The following ABLIM2 variants were observed in gnomAD, a reference collection of about 807,000 sequenced individuals.
The protein encoded by ABLIM2 is actin binding LIM protein family member 2.
A neutral mutation model predicts 97.7 loss-of-function variants in ABLIM2; 53 were observed. That is an observed-to-expected ratio of 0.54 (90% CI 0.44 to 0.68). The LOEUF (loss-of-function observed/expected upper bound fraction) is 0.68. Among genes scored for constraint, ABLIM2 ranks in the 30% least tolerant of loss-of-function variants. The pLI is 0.00. For missense variants in ABLIM2, 835 were observed against 867.2 expected, an observed-to-expected ratio of 0.96 and a Z score of 0.47; for synonymous variants, 361 against 345.8, an observed-to-expected ratio of 1.04 and a Z score of -0.49.
intron 14 of ABLIM2, 23 bp from the exon 15 acceptor site, chr4:8,009,125 T>G (rs147400964): frequency 6.2e-7 from 1 of 1,613,958 alleles, no homozygotes; most frequent in East Asian, 2.2e-5. Context: ...AATCCATTTG[T>G]AAAGGCCACA....
chr4:8,093,646 T>C (rs1485977936), intron 3 of ABLIM2, among the ~76,000 whole-genome samples: 8 of 152,228 alleles, frequency 5.3e-5, no homozygotes, highest in Admixed American at 5.2e-4. Context: ...TAGAATTATT[T>C]GATAGATATT....
chr4:8,113,016 G>T lies in ABLIM2; in HGVS notation c.11-6379C>A, dbSNP rs1841125082. ...CAGGCCAAAAGGGCATAGGCAGGGG[G>T]GCAAACTCCTCTTTCTGTCCAGCGA... On this transcript the variant is annotated intron_variant, in intron 1 of 20. Transcript: ENST00000447017. The surrounding 1 kb of genome is among the most constrained non-coding windows in gnomAD (Gnocchi z 4.5). Among the ~76,000 whole-genome samples the T allele has an allele frequency of 6.6e-6, 1 of 152,202 alleles. No homozygotes were observed. The highest frequency in any genetic ancestry group is 1.5e-5 in the Non-Finnish European group (1 of 68,048).
At chr4:8,096,236 A>C (rs1441437277) in intron 3 of ABLIM2, among the ~76,000 whole-genome samples, 11 of 152,196 alleles carry the variant, frequency 7.2e-5, no homozygotes, top group Non-Finnish European at 1.5e-5. Flanking sequence ...CATTTTGTCC[A>C]GTTTCCTAGT....
intron 20 of ABLIM2, among the ~76,000 whole-genome samples, chr4:7,978,909 G>C (rs1459355361): frequency 6.6e-6 from 1 of 152,222 alleles, no homozygotes; most frequent in African/African-American, 2.4e-5. Context: ...ACCCAAGAGA[G>C]GTCTTGAGGA....
At chr4:8,038,593 A>T (rs1786059122) in intron 9 of ABLIM2, among the ~76,000 whole-genome samples, 1 of 151,982 alleles carries the variant, frequency 6.6e-6, no homozygotes, top group Non-Finnish European at 1.5e-5. Flanking sequence ...CACCTCCTCC[A>T]CGAAGTCTTC....
At chr4:8,131,588 C>T (rs2152930946) in intron 1 of ABLIM2, among the ~76,000 whole-genome samples, 1 of 152,240 alleles carries the variant, frequency 6.6e-6, no homozygotes, top group African/African-American at 2.4e-5. Context: ...CTCACATGCT[C>T]TCAGCCACCC....
rs555901455 is a variant in ABLIM2, at chr4:7,966,919, T to G, written c.*71A>C. On this transcript the variant is annotated 3_prime_UTR_variant, in exon 21 of 21. Coordinates refer to ENST00000447017, the MANE Select transcript of ABLIM2 (RefSeq NM_001130083.2). ...GCCAGAGCAAGGTGTGTGGGAGGGG[T>G]GTGTGCGGTTCTCGCCAGGGGCCCC... is the stretch of plus-strand genomic sequence containing the variant. 64 of 515,152 alleles carry G rather than the reference T, an allele frequency of 1.2e-4. No individual in the cohort carries two copies. The highest frequency in any genetic ancestry group is 2.9e-4 in the African/African-American group (10 of 34,308). The allele number at this position is 515,152 out of a possible 1,614,324, so 31.9% of individuals were successfully genotyped here. A position where few individuals can be genotyped will look rare whatever the true frequency, so the allele number is the denominator to read the frequency against.
rs901766645 is a variant in ABLIM2, at chr4:8,021,585, T to C, written c.1268-1282A>G. On this transcript the variant is annotated intron_variant, in intron 12 of 20. Transcript: ENST00000447017. The surrounding 1 kb of genome is among the most constrained non-coding windows in gnomAD (Gnocchi z 5.5). ...CGAAATGAAACAGAAATAGAACTTC[T>C]GCGGTGGGTGAGTGATGTGCTGGGC... Among the ~76,000 whole-genome samples the C allele has an allele frequency of 1.3e-5, 2 of 152,170 alleles. No homozygotes were observed. The highest frequency in any genetic ancestry group is 4.8e-5 in the African/African-American group (2 of 41,440).
At chr4:8,035,472 C>T (rs1002810192) in intron 10 of ABLIM2, among the ~76,000 whole-genome samples, 6 of 152,208 alleles carry the variant, frequency 3.9e-5, no homozygotes, top group South Asian at 2.1e-4. Context: ...CCTGGCGGCA[C>T]GCATGTCAAG....
rs1846563545 is a variant in ABLIM2 at position 8,123,774 on chromosome 4, C to T, written c.11-17137G>A. On this transcript the variant is annotated intron_variant, in intron 1 of 20. Transcript: ENST00000447017. The surrounding 1 kb of genome is among the most constrained non-coding windows in gnomAD (Gnocchi z 6.2). Reference sequence around the variant, plus strand: ...GCAGGGGTGTGCCGGCATTGGGTCACACAGCCCAACTGGGGTGACAAGGTC... The same window carrying T: ...GCAGGGGTGTGCCGGCATTGGGTCATACAGCCCAACTGGGGTGACAAGGTC... Among the ~76,000 whole-genome samples the T allele has an allele frequency of 6.6e-6, 1 of 152,162 alleles. No homozygotes were observed. The highest frequency in any genetic ancestry group is 2.1e-4 in the South Asian group (1 of 4,828).
chr4:8,008,216 A>G lies in ABLIM2; in HGVS notation c.1477-16T>C. The G allele has an allele frequency of 6.2e-7, 1 of 1,609,588 alleles. No individual in the cohort carries two copies. Among genetic ancestry groups the G allele is most frequent in the South Asian group, 1.1e-5 (1 of 90,878 alleles). ...TGCTCTTCTGCTGAAGGTAAAAAACAAAGTCATGCAAATGTCAAGGTCATC... is the reference window on the plus strand; with the variant it reads ...TGCTCTTCTGCTGAAGGTAAAAAACGAAGTCATGCAAATGTCAAGGTCATC... On this transcript the variant is annotated splice_polypyrimidine_tract_variant and intron_variant, in intron 15 of 20. Transcript: ENST00000447017.
intron 1 of ABLIM2, among the ~76,000 whole-genome samples, chr4:8,151,355 AG>A (rs1264040896): frequency 6.6e-6 from 1 of 152,172 alleles, no homozygotes; most frequent in Non-Finnish European, 1.5e-5. Flanking sequence ...CACAAGGACC[AG>A]TGAGCGTCCC....
chr4:7,976,724 TAC>T (rs745777896), intron 20 of ABLIM2, among the ~76,000 whole-genome samples: 10 of 151,948 alleles, frequency 6.6e-5, no homozygotes, highest in South Asian at 4.2e-4. Flanking sequence ...TCCATATGCA[TAC>T]ACACACATAC....
chr4:8,122,551 A>C lies in ABLIM2; in HGVS notation c.11-15914T>G, dbSNP rs757916973. 6.6e-6 allele frequency among the ~76,000 whole-genome samples: 1 copy of C among 152,138 alleles called. No individual in the cohort carries two copies. The highest frequency in any genetic ancestry group is 1.5e-5 in the Non-Finnish European group (1 of 68,020). On this transcript the variant is annotated intron_variant, in intron 1 of 20. Transcript: ENST00000447017. The surrounding 1 kb of genome is among the most constrained non-coding windows in gnomAD (Gnocchi z 4.1). ...CGCTCTGGGCAGGAGTCCCATCATG[A>C]GGACCCCACCCTCACGACCTCATCT... is the stretch of plus-strand genomic sequence containing the variant.
intron 1 of ABLIM2, among the ~76,000 whole-genome samples, chr4:8,109,180 C>T (rs1839074749): frequency 6.6e-6 from 1 of 151,316 alleles, no homozygotes; most frequent in Non-Finnish European, 1.5e-5. Context: ...TCTGGTCTGC[C>T]TGGCGTATAG....
chr4:8,003,585 A>AGAT lies in ABLIM2; in HGVS notation c.1618+4471_1618+4473dup, dbSNP rs1758836825. Among the ~76,000 whole-genome samples the AGAT allele has an allele frequency of 1.1e-5, 1 of 90,088 alleles. No individual in the cohort carries two copies. Among genetic ancestry groups the AGAT allele is most frequent in the African/African-American group, 4.3e-5 (1 of 23,010 alleles). The allele number at this position is 90,088 out of a possible 152,430, so 59.1% of individuals were successfully genotyped here. A position where few individuals can be genotyped will look rare whatever the true frequency, so the allele number is the denominator to read the frequency against. On this transcript the variant is annotated intron_variant, in intron 16 of 20. Coordinates refer to ENST00000447017, the MANE Select transcript of ABLIM2 (RefSeq NM_001130083.2). The surrounding 1 kb of genome is among the most constrained non-coding windows in gnomAD (Gnocchi z 4.2). ...TCTTTTTTTTTTTTTTTTTTTTTGG[A>AGAT]GATGGAGTCTCGCTCTGTCGCCCAG...
At chr4:7,997,446 T>C (rs952198854) in intron 16 of ABLIM2, among the ~76,000 whole-genome samples, 4 of 152,238 alleles carry the variant, frequency 2.6e-5, no homozygotes, top group Admixed American at 1.3e-4. Context: ...AAACAAATAT[T>C]GTCCCACAGG....
At position 8,021,661 on chromosome 4, in the gene ABLIM2, G is replaced by A. The variant is rs1431747673; in HGVS notation, c.1268-1358C>T. On this transcript the variant is annotated intron_variant, in intron 12 of 20. Transcript: ENST00000447017. This position sits in a 1 kb window ranked among gnomAD's most constrained non-coding sequence, Gnocchi z 5.5. ...CACAGTGGACTCGTGAGGAGGGCTC[G>A]ACAGACACTGGCCCAGAGGGGGCTC... is the stretch of plus-strand genomic sequence containing the variant. 1.3e-5 allele frequency among the ~76,000 whole-genome samples: 2 copies of A among 152,226 alleles called. No individual in the cohort carries two copies. The highest frequency in any genetic ancestry group is 2.9e-5 in the Non-Finnish European group (2 of 68,046).
Position 8,004,736 on chromosome 4 carries a change from C to A in ABLIM2, c.1618+3323G>T, listed in dbSNP as rs1759933529. Among the ~76,000 whole-genome samples, 1 of 152,318 alleles carries A rather than the reference C, an allele frequency of 6.6e-6. No individual in the cohort carries two copies. The highest frequency in any genetic ancestry group is 3.4e-3 in the Middle Eastern group (1 of 294). ...TAGAAAACTTCCTATAACATAAAAT[C>A]AATAGCCTCCCTTCCTGTGCAGAAA... On this transcript the variant is annotated intron_variant, in intron 16 of 20. Transcript: ENST00000447017. The surrounding 1 kb of genome is among the most constrained non-coding windows in gnomAD (Gnocchi z 5.9).
Sources: allele counts gnomAD v4.1 joint callset (sites outside exome capture counted in the v4.1 genomes callset), GRCh38; gene constraint gnomAD v4.1.1; non-coding constraint Gnocchi (gnomAD v3.1); transcripts MANE v1.5; gene names NCBI Gene and HGNC (gene_info 2026-07-23, HGNC 2026-07-21).